ANKRD45: variants seen among roughly 807,000 people sequenced by gnomAD.
ANKRD45 encodes the protein ankyrin repeat domain-containing protein 45.
A neutral mutation model predicts 28.1 loss-of-function variants in ANKRD45; 21 were observed. That is an observed-to-expected ratio of 0.75 (90% CI 0.53 to 1.08). The LOEUF (loss-of-function observed/expected upper bound fraction) is 1.08. Among genes scored for constraint, ANKRD45 ranks in the 50% least tolerant of loss-of-function variants. The pLI, the probability that ANKRD45 is intolerant of heterozygous loss-of-function variation, is 0.00. For missense variants in ANKRD45, 261 were observed against 308.7 expected, an observed-to-expected ratio of 0.85 and a Z score of 1.16; for synonymous variants, 86 against 103.9, an observed-to-expected ratio of 0.83 and a Z score of 1.05.
rs1296633678 is a variant in ANKRD45, at chr1:173,648,011, C to T, written c.329-998G>A. 3.9e-5 allele frequency among the ~76,000 whole-genome samples: 6 copies of T among 151,976 alleles called. No homozygotes were observed. In the East Asian group the frequency reaches 7.7e-4, roughly 20 times the overall value. ...AGGCTGGAGTGCGGTGGCACGATCT[C>T]GGCTCACTGCAACCTCCGTGTCCCG... On this transcript the variant is annotated intron_variant, in intron 2 of 5. Coordinates refer to ENST00000333279, the MANE Select transcript of ANKRD45 (RefSeq NM_198493.3).
chr1:173,672,036 C>T (rs1051840605), upstream of ANKRD45, among the ~76,000 whole-genome samples: 1 of 152,138 alleles, frequency 6.6e-6, no homozygotes, highest in East Asian at 1.9e-4. Context: ...AAACTTGCCT[C>T]GGTCTCTTCT....
At chr1:173,659,040 C>T in intron 2 of ANKRD45, 51 bp downstream of exon 2, 1 of 1,571,988 alleles carries the variant, frequency 6.4e-7, no homozygotes, top group South Asian at 1.2e-5. Context: ...TATTACATTG[C>T]ATCTTTAGGT....
At chr1:173,707,725 T>C in the ANKRD45 span, among the ~76,000 whole-genome samples, 1 of 152,226 alleles carries the variant, frequency 6.6e-6, no homozygotes, top group African/African-American at 2.4e-5. Context: ...ATTTGATTGA[T>C]GTGGGGTATA....
chr1:173,707,537 T>C, the ANKRD45 span, among the ~76,000 whole-genome samples: 2 of 152,184 alleles, frequency 1.3e-5, no homozygotes, highest in African/African-American at 4.8e-5. Flanking sequence ...TTCACCATGC[T>C]GGCCAGCCTG....
intron 3 of ANKRD45, 28 bp from the exon 4 acceptor site, chr1:173,627,187 T>C (rs752458032): frequency 2.7e-6 from 4 of 1,471,162 alleles, no homozygotes; most frequent in Non-Finnish European, 3.8e-6. Flanking sequence ...AACACACACA[T>C]GACAAGACAA....
At chr1:173,688,123 G>A in the ANKRD45 span, among the ~76,000 whole-genome samples, 1 of 151,976 alleles carries the variant, frequency 6.6e-6, no homozygotes, top group African/African-American at 2.4e-5. Flanking sequence ...GGTACGGGTT[G>A]TCAGTGTCCT....
the ANKRD45 span, among the ~76,000 whole-genome samples, chr1:173,689,544 T>C: frequency 1.3e-5 from 2 of 152,280 alleles, no homozygotes; most frequent in Admixed American, 1.3e-4. Flanking sequence ...TGGCCAACTT[T>C]TAGTGACAAA....
At chr1:173,688,429 CCTCT>C in the ANKRD45 span, among the ~76,000 whole-genome samples, 13 of 115,520 alleles carry the variant, frequency 1.1e-4, no homozygotes, top group African/African-American at 1.8e-4. Flanking sequence ...TCTGCCTCTT[CCTCT>C]CTCTCTCTGC....
At chr1:173,621,645 A>G (rs1667708932) in intron 5 of ANKRD45, among the ~76,000 whole-genome samples, 1 of 152,156 alleles carries the variant, frequency 6.6e-6, no homozygotes, top group Non-Finnish European at 1.5e-5. Context: ...TAAGTATTGA[A>G]GGAACATACC....
chr1:173,656,100 AC>A (rs1471841063), intron 2 of ANKRD45, among the ~76,000 whole-genome samples: 1 of 152,078 alleles, frequency 6.6e-6, no homozygotes, highest in East Asian at 1.9e-4. Flanking sequence ...CTCACCCTCC[AC>A]GGGCTGCACC....
the ANKRD45 span, among the ~76,000 whole-genome samples, chr1:173,706,301 C>CAAAA: frequency 4.3e-4 from 40 of 93,586 alleles, no homozygotes; most frequent in African/African-American, 1.5e-3. Context: ...GATTCCGTCT[C>CAAAA]AAAAAAAAAA....
At chr1:173,681,186 T>C in the ANKRD45 span, among the ~76,000 whole-genome samples, 1 of 152,178 alleles carries the variant, frequency 6.6e-6, no homozygotes, top group Non-Finnish European at 1.5e-5. Flanking sequence ...TTTAAAAAAA[T>C]TAGAATATCA....
At chr1:173,703,246 C>G in the ANKRD45 span, among the ~76,000 whole-genome samples, 1 of 151,576 alleles carries the variant, frequency 6.6e-6, no homozygotes, top group Admixed American at 6.6e-5. Flanking sequence ...CTCTGTCGCC[C>G]AGGCTGGAGT....
chr1:173,624,896 T>C lies in ANKRD45; in HGVS notation c.621A>G (p.Lys207=), dbSNP rs1188196563. The C allele has an allele frequency of 6.2e-7, 1 of 1,613,732 alleles. No individual in the cohort carries two copies. The highest frequency in any genetic ancestry group is 1.3e-5 in the African/African-American group (1 of 74,924). ...KNTILSACRA[K]NEWLETHTEA... Reference sequence around the variant, plus strand: ...CTGTATGGGTTTCCAACCACTCATTTTTTGCACGGCATGCACTGAGGATGG... The same window carrying C: ...CTGTATGGGTTTCCAACCACTCATTCTTTGCACGGCATGCACTGAGGATGG... Residue 207 remains lysine, a synonymous_variant, in exon 5 of 6, where the codon AAA becomes AAG. Coordinates refer to ENST00000333279, the MANE Select transcript of ANKRD45 (RefSeq NM_198493.3).
At chr1:173,620,245 A>G (rs1399875543) in intron 5 of ANKRD45, among the ~76,000 whole-genome samples, 1 of 152,232 alleles carries the variant, frequency 6.6e-6, no homozygotes, top group African/African-American at 2.4e-5. Context: ...AAATCATAAC[A>G]AACTGTCTCT....
intron 2 of ANKRD45, among the ~76,000 whole-genome samples, chr1:173,648,292 G>A (rs938922718): frequency 5.3e-5 from 8 of 152,064 alleles, no homozygotes; most frequent in South Asian, 2.1e-4. Flanking sequence ...GCCCAGGCTC[G>A]TCTGGAACTC....
chr1:173,648,945 G>C (rs1444843167), intron 2 of ANKRD45, among the ~76,000 whole-genome samples: 1 of 152,066 alleles, frequency 6.6e-6, no homozygotes, highest in Non-Finnish European at 1.5e-5. Context: ...GGAAAGCTGG[G>C]GTTTTAACTC....
chr1:173,666,203 A>G (rs1356298381), intron 1 of ANKRD45, among the ~76,000 whole-genome samples: 2 of 152,184 alleles, frequency 1.3e-5, no homozygotes, highest in Non-Finnish European at 2.9e-5. Flanking sequence ...TGGGACTAGA[A>G]CTTATACTAT....
intron 3 of ANKRD45, among the ~76,000 whole-genome samples, chr1:173,642,377 A>T (rs191206311): frequency 2.0e-5 from 3 of 152,330 alleles, no homozygotes; most frequent in Admixed American, 2.0e-4. Flanking sequence ...CTTCTCTTAA[A>T]AGGACAAACA....
Sources: allele counts gnomAD v4.1 joint callset (sites outside exome capture counted in the v4.1 genomes callset), GRCh38; gene constraint gnomAD v4.1.1; transcripts MANE v1.5; gene names NCBI Gene and HGNC (gene_info 2026-07-23, HGNC 2026-07-21).